Variants in FAM120C observed in about 807,000 individuals in gnomAD.
The protein encoded by FAM120C is constitutive coactivator of PPAR-gamma-like protein 2.
FAM120C carries 14 observed loss-of-function variants against 71.2 expected under a neutral mutation model. The ratio of observed to expected loss-of-function variants is 0.20; its 90% CI spans 0.13 to 0.31. FAM120C has a LOEUF of 0.31. Among genes scored for constraint, FAM120C ranks in the 10% least tolerant of loss-of-function variants. The pLI is 1.00. For missense variants in FAM120C, 500 were observed against 879.0 expected (o/e 0.57, Z 5.45); for synonymous variants, 354 against 353.2 (o/e 1.00, Z -0.03).
Position 54,134,901 on chromosome X carries a change from G to A in FAM120C, c.1546C>T (p.Pro516Ser), listed in dbSNP as rs782255799. The A allele has an allele frequency of 1.7e-6, 2 of 1,211,636 alleles. No individual in the cohort carries two copies. Among genetic ancestry groups the A allele is most frequent in the Admixed American group, 2.2e-5 (1 of 45,978 alleles). Residue 516 changes from proline (P) to serine (S), a missense_variant, in exon 7 of 16, where the codon CCT becomes TCT. By Grantham distance (74) the Pro-to-Ser change is moderately conservative. Coordinates refer to ENST00000375180, the MANE Select transcript of FAM120C (RefSeq NM_017848.6). The part of the protein sequence containing the change: ...FPNYLPSKAS[P>S]PLGPDSSHSS... ...TGGGAAGAGTCTGGTCCCAAAGGAG[G>A]TGAGGCTTTAGAAGGCAGGTAATTG...
intron 10 of FAM120C, among the ~76,000 whole-genome samples, chrX:54,110,888 C>T (rs2066933569): frequency 1.8e-5 from 2 of 108,678 alleles, no homozygotes; most frequent in African/African-American, 6.7e-5. Context: ...GGAGAAACCC[C>T]GTCTCTACTA....
At chrX:54,135,182 G>A in intron 6 of FAM120C, 71 bp from the exon 7 acceptor site, 3 of 1,006,871 alleles carry the variant, frequency 3.0e-6, no homozygotes, top group Non-Finnish European at 4.0e-6. Flanking sequence ...CTCAGAAGTT[G>A]TGACACAGTG....
At position 54,182,715 on chromosome X, in the gene FAM120C, C is replaced by T; in HGVS notation, c.484G>A (p.Gly162Ser). 1 of 1,209,725 alleles carries T rather than the reference C, an allele frequency of 8.3e-7. No homozygotes were observed. Among genetic ancestry groups the T allele is most frequent in the Non-Finnish European group, 1.1e-6 (1 of 894,817 alleles). The change falls in exon 1 of 16, where the codon GGC becomes AGC. Residue 162 changes from glycine (G) to serine (S), a missense_variant. Transcript: ENST00000375180. ...ALCQACAYPG[G>S]DGLELVVMFP... ...ATGACCACGAGCTCCAGGCCGTCGC[C>T]GCCAGGATAGGCACAAGCCTGGCAC... is the stretch of plus-strand genomic sequence containing the variant.
intron 10 of FAM120C, among the ~76,000 whole-genome samples, chrX:54,108,700 G>A (rs781887024): frequency 1.9e-3 from 210 of 110,888 alleles, no homozygotes; most frequent in African/African-American, 6.4e-3. Context: ...GGAGGCCGAG[G>A]CAGGTGGATC....
chrX:54,124,628 T>TAG (rs1557127686), intron 9 of FAM120C, among the ~76,000 whole-genome samples: 1 of 101,186 alleles, frequency 9.9e-6, no homozygotes, highest in Non-Finnish European at 2.0e-5. Flanking sequence ...TGGCACTCCC[T>TAG]AGTGAGATGA....
chrX:54,159,630 A>G lies in FAM120C; in HGVS notation c.700-14T>C. ...GCTCTGAAAGACCTAGAAGGGAAGA[A>G]GAGAACGTGTCATGCCACAGAACCT... On this transcript the variant is annotated splice_polypyrimidine_tract_variant and intron_variant, in intron 1 of 15. Transcript: ENST00000375180. 1 of 1,209,882 alleles carries G rather than the reference A, an allele frequency of 8.3e-7. No individual in the cohort carries two copies. Among genetic ancestry groups the G allele is most frequent in the Non-Finnish European group, 1.1e-6 (1 of 894,590 alleles).
chrX:54,085,330 G>C (rs1324564347), intron 13 of FAM120C, among the ~76,000 whole-genome samples: 2 of 112,312 alleles, frequency 1.8e-5, no homozygotes, highest in Non-Finnish European at 3.8e-5. Flanking sequence ...GCTCACGCCT[G>C]TAATCCCAGC....
chrX:54,132,581 G>T, intron 9 of FAM120C, 111 bp downstream of exon 9: 1 of 549,790 alleles, frequency 1.8e-6, no homozygotes, highest in Non-Finnish European at 2.8e-6. Flanking sequence ...TTTGTTGAAT[G>T]TTGCATTTTC....
chrX:54,158,386 C>T (rs1557133966), intron 2 of FAM120C, among the ~76,000 whole-genome samples: 1 of 112,377 alleles, frequency 8.9e-6, no homozygotes. Flanking sequence ...ATGCCTGAGA[C>T]AGAATACTAA....
intron 1 of FAM120C, among the ~76,000 whole-genome samples, chrX:54,168,842 C>T (rs1406911591): frequency 6.2e-5 from 7 of 112,170 alleles, no homozygotes; most frequent in African/African-American, 2.3e-4. Flanking sequence ...ATCCTTCTAA[C>T]TCTGTAAAAT....
intron 10 of FAM120C, among the ~76,000 whole-genome samples, chrX:54,103,893 A>T (rs1557124459): frequency 2.7e-5 from 3 of 111,412 alleles, no homozygotes; most frequent in African/African-American, 9.8e-5. Flanking sequence ...AAGTGAATGA[A>T]CACTAGTTCT....
At chrX:54,102,096 G>A (rs1159041010) in intron 10 of FAM120C, among the ~76,000 whole-genome samples, 5 of 109,179 alleles carry the variant, frequency 4.6e-5, no homozygotes, top group African/African-American at 1.0e-4. Context: ...GTGCAGTGGC[G>A]TGATCATGGC....
rs2066701982 is a variant in FAM120C at position 54,069,698 on chromosome X, A to C, written c.*3335T>G. 1 of 111,926 alleles carries C rather than the reference A, an allele frequency of 8.9e-6. No individual in the cohort carries two copies. The highest frequency in any genetic ancestry group is 1.9e-5 in the Non-Finnish European group (1 of 53,225). 9.2% of individuals were successfully genotyped at this position (111,926 alleles called of 1,213,427 possible). On this transcript the variant is annotated 3_prime_UTR_variant, in exon 16 of 16. Coordinates refer to ENST00000375180, the MANE Select transcript of FAM120C (RefSeq NM_017848.6). Reference sequence around the variant, plus strand: ...GTCAGAAATCAAGATGGAGACAAAAATCAAATGTCACTAGCCAAAGCGAGT... The same window carrying C: ...GTCAGAAATCAAGATGGAGACAAAACTCAAATGTCACTAGCCAAAGCGAGT...
chrX:54,109,811 C>T lies in FAM120C; in HGVS notation c.2312+6734G>A, dbSNP rs185915458. Among the ~76,000 whole-genome samples, 515 of 102,187 alleles carry T rather than the reference C, an allele frequency of 5.0e-3. 3 individuals are homozygous for T. Among genetic ancestry groups the T allele is most frequent in the African/African-American group, 0.018 (495 of 28,010 alleles). The allele number at this position is 102,187 out of a possible 115,157, so 88.7% of individuals were successfully genotyped here. On this transcript the variant is annotated intron_variant, in intron 10 of 15. Coordinates refer to ENST00000375180, the MANE Select transcript of FAM120C (RefSeq NM_017848.6). ...CAGCCTGGGTGACAGAGCGAGACTCCGTCTAAAAAAAAAAACCAAACATGG... is the reference window on the plus strand; with the variant it reads ...CAGCCTGGGTGACAGAGCGAGACTCTGTCTAAAAAAAAAAACCAAACATGG...
intron 1 of FAM120C, among the ~76,000 whole-genome samples, chrX:54,178,938 G>T (rs781861483): frequency 1.8e-5 from 2 of 111,880 alleles, no homozygotes; most frequent in South Asian, 7.4e-4. Flanking sequence ...CTGTGAAATG[G>T]TGAGTCTGAT....
chrX:54,132,476 T>C (rs1279118386), intron 9 of FAM120C, among the ~76,000 whole-genome samples: 1 of 112,043 alleles, frequency 8.9e-6, no homozygotes, highest in Non-Finnish European at 1.9e-5. Context: ...CCATGCCTGG[T>C]CCAGCATGGT....
At chrX:54,113,191 G>A (rs1214528456) in intron 10 of FAM120C, among the ~76,000 whole-genome samples, 2 of 111,704 alleles carry the variant, frequency 1.8e-5, no homozygotes, top group Admixed American at 9.6e-5. Context: ...GCCGGGGGCG[G>A]TGGCTCACAC....
intron 9 of FAM120C, among the ~76,000 whole-genome samples, chrX:54,118,817 A>C (rs2066990172): frequency 1.9e-5 from 1 of 52,530 alleles, no homozygotes. Context: ...GCACCCACTA[A>C]TGTGTCATCT....
intron 1 of FAM120C, among the ~76,000 whole-genome samples, chrX:54,161,877 C>T (rs782750003): frequency 6.5e-4 from 73 of 112,598 alleles, no homozygotes; most frequent in African/African-American, 2.2e-3. Flanking sequence ...GGTGATCCAC[C>T]GGCCTTGGCC....
Sources: gnomAD v4.1 joint callset for allele counts (sites outside exome capture counted in the v4.1 genomes callset) on GRCh38, gnomAD v4.1.1 for gene constraint, MANE v1.5 for transcripts, NCBI Gene and HGNC (gene_info 2026-07-23, HGNC 2026-07-21) for gene names.